Variants in CCDC7 observed in about 807,000 individuals in gnomAD.
CCDC7 encodes the protein coiled-coil domain-containing protein 7.
Under a neutral mutation model 196.9 loss-of-function variants are expected in CCDC7, and 183 were observed. The observed-to-expected ratio is 0.93, with a 90% CI of 0.82 to 1.05. The LOEUF is 1.05. CCDC7 is among the 50% of genes least tolerant of loss of function. CCDC7 has a pLI of 0.00. For synonymous variants in CCDC7, 525 were observed against 484.6 expected, an observed-to-expected ratio of 1.08 and a Z score of -1.10; for missense variants, 1,540 against 1,482.2, an observed-to-expected ratio of 1.04 and a Z score of -0.64.
At chr10:32,645,664 C>T (rs1271175247) in intron 20 of CCDC7, among the ~76,000 whole-genome samples, 1 of 151,794 alleles carries the variant, frequency 6.6e-6, no homozygotes, top group Non-Finnish European at 1.5e-5. Context: ...CATCAAGGTT[C>T]CTGGGCTTTT....
At chr10:32,523,416 G>A (rs750783000) in intron 11 of CCDC7, among the ~76,000 whole-genome samples, 32 of 152,052 alleles carry the variant, frequency 2.1e-4, no homozygotes, top group Non-Finnish European at 4.1e-4. Context: ...GGGCATGGTG[G>A]CAGGCGCCCG....
intron 29 of CCDC7, among the ~76,000 whole-genome samples, chr10:32,791,984 C>T (rs2082769893): frequency 6.6e-6 from 1 of 152,026 alleles, no homozygotes; most frequent in Admixed American, 6.6e-5. Context: ...CATCAAGTGA[C>T]ATCGAGGACA....
chr10:32,705,357 C>T (rs1057438999), intron 24 of CCDC7, among the ~76,000 whole-genome samples: 37 of 152,186 alleles, frequency 2.4e-4, no homozygotes, highest in African/African-American at 8.4e-4. Context: ...CCATCCACTG[C>T]AAAAACATGC....
chr10:32,771,512 T>G (rs1044565234), intron 28 of CCDC7, among the ~76,000 whole-genome samples: 26 of 152,200 alleles, frequency 1.7e-4, no homozygotes, highest in African/African-American at 5.8e-4. Flanking sequence ...TCTGATAGTT[T>G]TTTTCTTTTT....
chr10:32,495,385 T>C (rs1333698885), intron 9 of CCDC7, among the ~76,000 whole-genome samples: 1 of 152,226 alleles, frequency 6.6e-6, no homozygotes, highest in East Asian at 1.9e-4. Context: ...GCAGAAGTTC[T>C]TTAGTTTAAT....
intron 11 of CCDC7, among the ~76,000 whole-genome samples, chr10:32,521,292 G>A (rs932137100): frequency 1.3e-5 from 2 of 152,078 alleles, no homozygotes; most frequent in Non-Finnish European, 2.9e-5. Flanking sequence ...CACTGAATCT[G>A]TACATTGCTT....
chr10:32,536,226 T>C (rs2050471578), intron 11 of CCDC7, among the ~76,000 whole-genome samples: 1 of 152,048 alleles, frequency 6.6e-6, no homozygotes. Context: ...TGCAATTTTC[T>C]CCCTTCCAGG....
chr10:32,822,610 A>C (rs2090446171), intron 31 of CCDC7, among the ~76,000 whole-genome samples: 1 of 152,118 alleles, frequency 6.6e-6, no homozygotes, highest in Non-Finnish European at 1.5e-5. Flanking sequence ...AGTAGCACAA[A>C]AACTGGGGAA....
chr10:32,578,856 T>G (rs1310746013), intron 16 of CCDC7, among the ~76,000 whole-genome samples: 1 of 152,146 alleles, frequency 6.6e-6, no homozygotes, highest in African/African-American at 2.4e-5. Flanking sequence ...TTCTCCAAAT[T>G]TATCTGAATA....
intron 23 of CCDC7, among the ~76,000 whole-genome samples, chr10:32,693,263 A>G (rs2141295021): frequency 6.6e-6 from 1 of 152,344 alleles, no homozygotes; most frequent in African/African-American, 2.4e-5. Flanking sequence ...ATATATATGC[A>G]AAAAGTTATA....
chr10:32,649,555 A>G (rs1194675563), intron 20 of CCDC7, among the ~76,000 whole-genome samples: 1 of 152,172 alleles, frequency 6.6e-6, no homozygotes, highest in Non-Finnish European at 1.5e-5. Context: ...TTGGATTTGC[A>G]TGTTGACCTC....
At chr10:32,728,270 T>A (rs911394463) in intron 26 of CCDC7, among the ~76,000 whole-genome samples, 1 of 152,104 alleles carries the variant, frequency 6.6e-6, no homozygotes, top group Admixed American at 6.6e-5. Flanking sequence ...TACATTTTTT[T>A]TAAAAAAATC....
chr10:32,643,146 ATTTC>A (rs1404835607), intron 20 of CCDC7, among the ~76,000 whole-genome samples: 1 of 151,954 alleles, frequency 6.6e-6, no homozygotes. Flanking sequence ...GGATTTATCT[ATTTC>A]TTCTTGTAGT....
chr10:32,595,986 G>C (rs562928446), intron 18 of CCDC7, among the ~76,000 whole-genome samples: 3 of 152,142 alleles, frequency 2.0e-5, no homozygotes, highest in Non-Finnish European at 4.4e-5. Flanking sequence ...TTTGGAATAC[G>C]TGTGATGTGG....
chr10:32,880,317 T>C (rs1032731832), downstream of CCDC7, among the ~76,000 whole-genome samples: 1 of 152,224 alleles, frequency 6.6e-6, no homozygotes, highest in South Asian at 2.1e-4. Context: ...GTGGAGCTTT[T>C]CTTCATGTGT....
At chr10:32,608,197 T>A (rs556675903) in intron 18 of CCDC7, among the ~76,000 whole-genome samples, 2 of 152,150 alleles carry the variant, frequency 1.3e-5, no homozygotes, top group Non-Finnish European at 1.5e-5. Context: ...TTCTTTCTTT[T>A]TTTGTTGCTT....
chr10:32,744,876 C>G (rs1395852297), intron 28 of CCDC7, among the ~76,000 whole-genome samples: 3 of 152,134 alleles, frequency 2.0e-5, no homozygotes, highest in Non-Finnish European at 4.4e-5. Flanking sequence ...CATATTTTGT[C>G]TATAAAGTCA....
intron 16 of CCDC7, among the ~76,000 whole-genome samples, chr10:32,577,453 G>A (rs2137286757): frequency 6.6e-6 from 1 of 152,194 alleles, no homozygotes; most frequent in East Asian, 1.9e-4. Flanking sequence ...TTATAATAGT[G>A]CAATTCAGTC....
At chr10:32,684,672 G>A (rs1177207313) in intron 21 of CCDC7, among the ~76,000 whole-genome samples, 5 of 152,198 alleles carry the variant, frequency 3.3e-5, no homozygotes, top group African/African-American at 1.2e-4. Context: ...TGTGAAAGCA[G>A]TTCACACTAG....
Sources: allele counts gnomAD v4.1 joint callset (sites outside exome capture counted in the v4.1 genomes callset), GRCh38; gene constraint gnomAD v4.1.1; transcripts MANE v1.5; gene names NCBI Gene and HGNC (gene_info 2026-07-23, HGNC 2026-07-21).